GUCD1: variants seen among roughly 807,000 people sequenced by gnomAD.
The protein encoded by GUCD1 is protein GUCD1.
In GUCD1, 17 loss-of-function variants were observed where a neutral mutation model predicts 28.3. That is an observed-to-expected ratio of 0.60 (90% CI 0.41 to 0.90). GUCD1 has a LOEUF of 0.90. Ranked by LOEUF, GUCD1 falls within the 40% of genes least tolerant of loss-of-function variation. The pLI, the probability that GUCD1 is intolerant of heterozygous loss-of-function variation, is 0.00. For synonymous variants in GUCD1, 129 were observed against 123.3 expected, an observed-to-expected ratio of 1.05 and a Z score of -0.30; for missense variants, 279 against 305.5, an observed-to-expected ratio of 0.91 and a Z score of 0.65.
intron 4 of GUCD1, among the ~76,000 whole-genome samples, chr22:24,546,182 C>T (rs1182853496): frequency 6.6e-6 from 1 of 151,818 alleles, no homozygotes; most frequent in African/African-American, 2.4e-5. Flanking sequence ...AGGATGGTCT[C>T]GATCTCCTGA....
intron 5 of GUCD1, among the ~76,000 whole-genome samples, chr22:24,543,628 G>A (rs538107763): frequency 6.6e-5 from 10 of 152,168 alleles, no homozygotes; most frequent in Non-Finnish European, 1.2e-4. Context: ...TGGCCAGGGT[G>A]TAGAGGAGGC....
At chr22:24,548,868 G>A (rs1192412282) in intron 2 of GUCD1, 49 bp downstream of exon 2, 1 of 1,400,942 alleles carries the variant, frequency 7.1e-7, no homozygotes, top group East Asian at 2.5e-5. Context: ...AGCCAGAGCA[G>A]AAGATGTAGA....
intron 3 of GUCD1, chr22:24,547,450 CA>C (rs1256876113): frequency 8.7e-5 from 16 of 184,840 alleles, no homozygotes; most frequent in East Asian, 5.7e-4. Flanking sequence ...TTTCAAAAGG[CA>C]AAAAAAAGAA....
At chr22:24,555,339 C>G (rs2045025866), upstream of GUCD1, 2 of 1,387,170 alleles carry the variant, frequency 1.4e-6, no homozygotes, top group Non-Finnish European at 1.9e-6. Context: ...CACCAGGACG[C>G]GGGCCCCGGA....
chr22:24,549,026 C>T lies in GUCD1; in HGVS notation c.44-25G>A. Reference sequence around the variant, plus strand: ...CCTGTGCAGAAACAGAGGGAGGTCACAGACCCTCAGCGCAGAGCCCACCAC... The same window carrying T: ...CCTGTGCAGAAACAGAGGGAGGTCATAGACCCTCAGCGCAGAGCCCACCAC... On this transcript the variant is annotated intron_variant, in intron 1 of 5. Coordinates refer to ENST00000435822, the MANE Select transcript of GUCD1 (RefSeq NM_001284254.2). 2.0e-6 allele frequency: 3 copies of T among 1,518,728 alleles called. No individual in the cohort carries two copies. In the African/African-American group the frequency reaches 4.1e-5, roughly 21 times the overall value. 94.1% of individuals were successfully genotyped at this position (1,518,728 alleles called of 1,614,324 possible). A position where few individuals can be genotyped will look rare whatever the true frequency, so the allele number is the denominator to read the frequency against.
At position 24,548,008 on chromosome 22, in the gene GUCD1, C is replaced by T; in HGVS notation, c.194G>A (p.Ser65Asn). 3.1e-6 allele frequency: 5 copies of T among 1,614,182 alleles called. No homozygotes were observed. The highest frequency in any genetic ancestry group is 4.2e-6 in the Non-Finnish European group (5 of 1,180,008). The change falls in exon 3 of 6, where the codon AGC becomes AAC. Residue 65 changes from serine (S) to asparagine (N), a missense_variant. Physicochemically the swap from Ser to Asn is conservative, Grantham distance 46. Transcript: ENST00000435822. ...RALQKLQLTR[S>N]IWTIDLAYLM... is the part of the protein sequence containing the mutation. ...GTAGGCCAGGTCGATGGTCCAGATG[C>T]TCCTGGTCAGCTGCAGCTTCTGCAG...
At chr22:24,555,153 G>T, upstream of GUCD1, 2 of 1,303,782 alleles carry the variant, frequency 1.5e-6, no homozygotes, top group South Asian at 2.3e-5. Flanking sequence ...CGCCCCAAGC[G>T]CCGCCCCAGC....
Position 24,540,642 on chromosome 22 carries a change from C to A in GUCD1, c.*2364G>T, listed in dbSNP as rs1035552361. 3.3e-5 allele frequency: 5 copies of A among 152,220 alleles called. No individual in the cohort carries two copies. Among genetic ancestry groups the A allele is most frequent in the Admixed American group, 2.6e-4 (4 of 15,276 alleles). 9.4% of individuals were successfully genotyped at this position (152,220 alleles called of 1,614,324 possible). ...GGTGTCATGTGCTGTGGGCAAAAGT[C>A]CCTGATGTCCAGGCTCTCTGGCTCC... On this transcript the variant is annotated 3_prime_UTR_variant, in exon 6 of 6. Transcript: ENST00000435822.
Position 24,544,028 on chromosome 22 carries a change from C to T in GUCD1, c.442G>A (p.Val148Met), listed in dbSNP as rs755688603. Residue 148 changes from valine to methionine, a missense_variant, in exon 5 of 6, where the codon GTG becomes ATG. Physicochemically the swap from Val to Met is conservative, Grantham distance 21. Coordinates refer to ENST00000435822, the MANE Select transcript of GUCD1 (RefSeq NM_001284254.2). ...AHLAQGHVAIVLVNSGVLHCD... is the reference protein window; with the variant it reads ...AHLAQGHVAIMLVNSGVLHCD... ...TGCAGCACCCCCGAGTTCACCAGCA[C>T]GATGGCCACATGGCCCTGAGCCAGG... 4.3e-6 allele frequency: 7 copies of T among 1,613,712 alleles called. No homozygotes were observed. The highest frequency in any genetic ancestry group is 1.3e-5 in the African/African-American group (1 of 74,998).
At chr22:24,547,672 G>A (rs2044762274) in intron 3 of GUCD1, 1 of 506,990 alleles carries the variant, frequency 2.0e-6, no homozygotes, top group Non-Finnish European at 3.6e-6. Context: ...CAGGTGGACA[G>A]GAGCCAGGAC....
intron 1 of GUCD1, among the ~76,000 whole-genome samples, chr22:24,550,455 G>A (rs1007614996): frequency 1.3e-5 from 2 of 152,216 alleles, no homozygotes; most frequent in Admixed American, 1.3e-4. Flanking sequence ...CTCCTCCGTA[G>A]CCACCTCATG....
intron 1 of GUCD1, among the ~76,000 whole-genome samples, chr22:24,553,147 C>T (rs2044927685): frequency 6.6e-6 from 1 of 152,234 alleles, no homozygotes; most frequent in Non-Finnish European, 1.5e-5. Context: ...ACAGCAGCCA[C>T]ACACTGCCTT....
At position 24,555,125 on chromosome 22, in the gene GUCD1, G is replaced by A. The variant is rs954605139; in HGVS notation, c.-134C>T. 1.9e-5 allele frequency: 25 copies of A among 1,304,724 alleles called. No individual in the cohort carries two copies. The highest frequency in any genetic ancestry group is 5.8e-4 in the Middle Eastern group (2 of 3,432). 80.8% of individuals were successfully genotyped at this position (1,304,724 alleles called of 1,614,324 possible). A position where few individuals can be genotyped will look rare whatever the true frequency, so the allele number is the denominator to read the frequency against. On this transcript the variant is annotated 5_prime_UTR_variant, in exon 1 of 6. Coordinates refer to ENST00000435822, the MANE Select transcript of GUCD1 (RefSeq NM_001284254.2). ...CCGCCGCCGCTGCGGAGGAGAGAACGGGAGGCGGCGGCTGGGCCGCCCCAA... is the reference window on the plus strand; with the variant it reads ...CCGCCGCCGCTGCGGAGGAGAGAACAGGAGGCGGCGGCTGGGCCGCCCCAA...
At position 24,541,319 on chromosome 22, in the gene GUCD1, A is replaced by G. The variant is rs1414251607; in HGVS notation, c.*1687T>C. On this transcript the variant is annotated 3_prime_UTR_variant, in exon 6 of 6. Transcript: ENST00000435822. The stretch of plus-strand genomic sequence containing the variant: ...CATGCCATGCCTTGGGCATTGGAAG[A>G]GCAGGACCCAGGAGTGCAGGGATGG... 6.6e-6 allele frequency: 1 copy of G among 152,424 alleles called. No individual in the cohort carries two copies. Among genetic ancestry groups the G allele is most frequent in the African/African-American group, 2.4e-5 (1 of 41,470 alleles). 9.4% of individuals were successfully genotyped at this position (152,424 alleles called of 1,614,324 possible).
chr22:24,545,872 T>C (rs1448175162), intron 4 of GUCD1, among the ~76,000 whole-genome samples: 1 of 151,732 alleles, frequency 6.6e-6, no homozygotes, highest in Non-Finnish European at 1.5e-5. Flanking sequence ...ATTACAAGCG[T>C]GAGCCACCGT....
At chr22:24,543,691 A>G in intron 5 of GUCD1, 151 bp downstream of exon 5, 3 of 1,023,284 alleles carry the variant, frequency 2.9e-6, no homozygotes, top group Non-Finnish European at 4.2e-6. Context: ...GGCCACAGTG[A>G]CAAGAGCCCA....
chr22:24,541,227 A>C lies in GUCD1; in HGVS notation c.*1779T>G, dbSNP rs908148105. 1.9e-5 allele frequency: 3 copies of C among 156,234 alleles called. No homozygotes were observed. Among genetic ancestry groups the C allele is most frequent in the Non-Finnish European group, 4.4e-5 (3 of 68,260 alleles). The allele number at this position is 156,234 out of a possible 1,614,324, so 9.7% of individuals were successfully genotyped here. Reference sequence around the variant, plus strand: ...CTGGGTGGTCTCACTGCCCTCCTAAACAGAGCCCACCTCTGCCCCCAGAGT... The same window carrying C: ...CTGGGTGGTCTCACTGCCCTCCTAACCAGAGCCCACCTCTGCCCCCAGAGT... On this transcript the variant is annotated 3_prime_UTR_variant, in exon 6 of 6. Transcript: ENST00000435822.
At position 24,542,719 on chromosome 22, in the gene GUCD1, T is replaced by G; in HGVS notation, c.*287A>C. 1 of 400,976 alleles carries G rather than the reference T, an allele frequency of 2.5e-6. No homozygotes were observed. Among genetic ancestry groups the G allele is most frequent in the African/African-American group, 2.0e-5 (1 of 48,984 alleles). The allele number at this position is 400,976 out of a possible 1,614,324, so 24.8% of individuals were successfully genotyped here. On this transcript the variant is annotated 3_prime_UTR_variant, in exon 6 of 6. Coordinates refer to ENST00000435822, the MANE Select transcript of GUCD1 (RefSeq NM_001284254.2). ...TCTGGCTCAAAGGCAACAAGGGCAC[T>G]GTCGGGACTGGACTTCCTGTGGGCG...
intron 5 of GUCD1, 55 bp downstream of exon 5, chr22:24,543,787 A>G: frequency 6.3e-7 from 1 of 1,592,076 alleles, no homozygotes; most frequent in Non-Finnish European, 8.6e-7. Flanking sequence ...GGCACTGGGC[A>G]TACAGAACAG....
Sources: allele counts gnomAD v4.1 joint callset (sites outside exome capture counted in the v4.1 genomes callset), GRCh38; gene constraint gnomAD v4.1.1; transcripts MANE v1.5; gene names NCBI Gene and HGNC (gene_info 2026-07-23, HGNC 2026-07-21).